The following KNTC1 variants were observed in gnomAD, a reference collection of about 807,000 sequenced individuals.
KNTC1 encodes the protein kinetochore associated 1, also known as kinetochore-associated protein 1.
KNTC1 carries 253 observed loss-of-function variants against 314.4 expected under a neutral mutation model. The ratio of observed to expected loss-of-function variants is 0.80; its 90% confidence interval spans 0.73 to 0.89. The LOEUF (loss-of-function observed/expected upper bound fraction) is 0.89. Ranked by LOEUF, KNTC1 falls within the 40% of genes least tolerant of loss-of-function variation. KNTC1 has a pLI of 0.00. For synonymous variants in KNTC1, 901 were observed against 901.4 expected (o/e 1.00, Z 0.01); for missense variants, 2,475 against 2,572.9 (o/e 0.96, Z 0.82).
chr12:122,623,277 A>G (rs1419607239), intron 62 of KNTC1, among the ~76,000 whole-genome samples: 1 of 152,220 alleles, frequency 6.6e-6, no homozygotes, highest in East Asian at 1.9e-4. Flanking sequence ...AAGTTTAGAA[A>G]CAATAAGCTT....
chr12:122,570,621 T>C (rs1448087545), intron 22 of KNTC1, among the ~76,000 whole-genome samples: 1 of 152,168 alleles, frequency 6.6e-6, no homozygotes, highest in Non-Finnish European at 1.5e-5. Flanking sequence ...TTGGATTGTT[T>C]GTAACACAAA....
rs1210728550 is a variant in KNTC1 at position 122,547,409 on chromosome 12, T to C, written c.817-6T>C. On this transcript the variant is annotated splice_polypyrimidine_tract_variant and splice_region_variant and intron_variant, in intron 10 of 63. Transcript: ENST00000333479. ...AGGACATGTAAATGAAATGTCTCTA[T>C]TGCAGAACGTGCTGAGTTTATGGGA... 1 of 1,557,264 alleles carries C rather than the reference T, an allele frequency of 6.4e-7. No individual in the cohort carries two copies. Among genetic ancestry groups the C allele is most frequent in the Non-Finnish European group, 8.9e-7 (1 of 1,129,766 alleles).
rs1414920462 is a variant in KNTC1, at chr12:122,605,095, C to A, written c.5386+8C>A. ...CTGGCACAGATTATCCTGGTGAGGA[C>A]AAAACAATTTTTTTGTTGTCCAAGA... On this transcript the variant is annotated splice_region_variant and intron_variant, in intron 50 of 63. Transcript: ENST00000333479. The A allele has an allele frequency of 6.3e-7, 1 of 1,598,076 alleles. No homozygotes were observed. The highest frequency in any genetic ancestry group is 8.5e-7 in the Non-Finnish European group (1 of 1,172,266).
chr12:122,599,518 A>AT (rs1432098242), intron 44 of KNTC1, among the ~76,000 whole-genome samples: 1 of 151,832 alleles, frequency 6.6e-6, no homozygotes, highest in African/African-American at 2.4e-5. Context: ...CGTCCAGCTA[A>AT]TTTTTTATAT....
At chr12:122,612,277 G>A (rs557150333) in intron 53 of KNTC1, among the ~76,000 whole-genome samples, 1 of 151,734 alleles carries the variant, frequency 6.6e-6, no homozygotes, top group African/African-American at 2.4e-5. Context: ...TGTTGGCCAG[G>A]CTGGTCTCGA....
chr12:122,620,353 C>G, intron 59 of KNTC1, 126 bp from the exon 60 acceptor site: 1 of 740,414 alleles, frequency 1.4e-6, no homozygotes, highest in Non-Finnish European at 2.2e-6. Flanking sequence ...ATATGTCATG[C>G]ACCAGCACTT....
At chr12:122,609,550 C>A in intron 52 of KNTC1, 120 bp downstream of exon 52, 1 of 641,528 alleles carries the variant, frequency 1.6e-6, no homozygotes, top group Non-Finnish European at 2.7e-6. Context: ...AGGTCAGAGT[C>A]TATGAGATGA....
intron 63 of KNTC1, among the ~76,000 whole-genome samples, chr12:122,624,971 A>G (rs1874862816): frequency 6.6e-6 from 1 of 152,212 alleles, no homozygotes; most frequent in African/African-American, 2.4e-5. Context: ...ACCATTCCTC[A>G]TAAGGTGGTG....
At chr12:122,583,092 A>G in intron 34 of KNTC1, 107 bp downstream of exon 34, 1 of 1,021,692 alleles carries the variant, frequency 9.8e-7, no homozygotes, top group Non-Finnish European at 1.4e-6. Context: ...CAGGCGGATC[A>G]CAAGGTCAGG....
chr12:122,610,373 C>G (rs914443746), intron 52 of KNTC1, among the ~76,000 whole-genome samples: 1 of 152,206 alleles, frequency 6.6e-6, no homozygotes, highest in East Asian at 1.9e-4. Context: ...AGCTCTGCCC[C>G]ACCCCTCCTC....
At chr12:122,607,190 A>G (rs1478687126) in intron 51 of KNTC1, among the ~76,000 whole-genome samples, 1 of 152,084 alleles carries the variant, frequency 6.6e-6, no homozygotes, top group Admixed American at 6.6e-5. Flanking sequence ...CAGCCTCCCA[A>G]GTAGCTGGGA....
In KNTC1 at chr12:122,614,719, A is replaced by G. The variant is rs147779094; in HGVS notation, c.5878-272A>G. The stretch of plus-strand genomic sequence containing the variant: ...GACATGGTGAAACCCCGTCTCTACT[A>G]AAAATACAAAAATTATCCAGGCATG... On this transcript the variant is annotated intron_variant, in intron 55 of 63. Transcript: ENST00000333479. 8.5e-5 allele frequency among the ~76,000 whole-genome samples: 13 copies of G among 152,082 alleles called. No individual in the cohort carries two copies. In the East Asian group the frequency reaches 2.5e-3, roughly 29 times the overall value.
chr12:122,625,408 A>G (rs544780093), intron 63 of KNTC1, among the ~76,000 whole-genome samples: 1 of 152,068 alleles, frequency 6.6e-6, no homozygotes, highest in East Asian at 1.9e-4. Context: ...GTCTCCAAAA[A>G]AAAAATATAT....
chr12:122,606,014 T>C (rs1322043035), intron 51 of KNTC1, among the ~76,000 whole-genome samples: 1 of 151,438 alleles, frequency 6.6e-6, no homozygotes, highest in Non-Finnish European at 1.5e-5. Context: ...GGCTAATGTT[T>C]TGTTTTTTTT....
rs1964134459 is a variant in KNTC1 at position 122,563,819 on chromosome 12, A to C, written c.1604+1120A>C. The stretch of plus-strand genomic sequence containing the variant: ...CCACAGTTTTTTCAGCTTCAGCAGG[A>C]GGCAAAGACTTCAACAGAAGGAGAC... On this transcript the variant is annotated intron_variant, in intron 20 of 63. Coordinates refer to ENST00000333479, the MANE Select transcript of KNTC1 (RefSeq NM_014708.6). 9.6e-6 allele frequency: 14 copies of C among 1,461,214 alleles called. No individual in the cohort carries two copies. In the East Asian group the frequency reaches 3.0e-4, roughly 32 times the overall value. 90.5% of individuals were successfully genotyped at this position (1,461,214 alleles called of 1,614,324 possible).
intron 40 of KNTC1, among the ~76,000 whole-genome samples, chr12:122,589,343 A>T (rs551697486): frequency 6.6e-6 from 1 of 152,050 alleles, no homozygotes; most frequent in African/African-American, 2.4e-5. Context: ...TATTTTAAAT[A>T]TTAGATTTTT....
intron 1 of KNTC1, among the ~76,000 whole-genome samples, chr12:122,528,116 C>T (rs1230476990): frequency 2.0e-5 from 3 of 152,190 alleles, no homozygotes; most frequent in African/African-American, 7.2e-5. Flanking sequence ...GTGTCTGGCA[C>T]ATAGTAAATA....
intron 9 of KNTC1, 129 bp from the exon 10 acceptor site, chr12:122,546,493 G>A: frequency 1.5e-6 from 1 of 689,138 alleles, no homozygotes; most frequent in Non-Finnish European, 2.4e-6. Context: ...CAGAAATAGA[G>A]GCAGGAATAA....
chr12:122,571,235 G>GT lies in KNTC1; in HGVS notation c.2019+116dup, dbSNP rs1039659108. 25 of 729,958 alleles carry GT rather than the reference G, an allele frequency of 3.4e-5. 1 individual carries two copies. The South Asian group carries it at 4.1e-4, about 12-fold the overall frequency. The allele number at this position is 729,958 out of a possible 1,614,324, so 45.2% of individuals were successfully genotyped here. On this transcript the variant is annotated intron_variant, in intron 24 of 63. Transcript: ENST00000333479. ...AATATATCTACTTCTTAAATTTTCT[G>GT]TTTTTTTGTGCCTTTTTTTTGTTTT...
Sources: gnomAD v4.1 joint callset for allele counts (sites outside exome capture counted in the v4.1 genomes callset) on GRCh38, gnomAD v4.1.1 for gene constraint, MANE v1.5 for transcripts, NCBI Gene and HGNC (gene_info 2026-07-23, HGNC 2026-07-21) for gene names.